The following LRRC7 variants were observed in gnomAD, a reference collection of about 807,000 sequenced individuals.
The protein encoded by LRRC7 is leucine-rich repeat-containing protein 7.
Under a neutral mutation model 175.7 loss-of-function variants are expected in LRRC7, and 23 were observed. The ratio of observed to expected loss-of-function variants is 0.13; its 90% confidence interval spans 0.09 to 0.19. The LOEUF (loss-of-function observed/expected upper bound fraction) is 0.19. LRRC7 is among the 10% of genes least tolerant of loss of function. The pLI is 1.00. For synonymous variants in LRRC7, 685 were observed against 680.9 expected, an observed-to-expected ratio of 1.01 and a Z score of -0.09; for missense variants, 1,354 against 1,904.7, an observed-to-expected ratio of 0.71 and a Z score of 5.38.
At chr1:69,827,055 C>T (rs1005714591) in intron 5 of LRRC7, among the ~76,000 whole-genome samples, 18 of 151,968 alleles carry the variant, frequency 1.2e-4, no homozygotes, top group Non-Finnish European at 2.4e-4. Flanking sequence ...TACAGTTTTT[C>T]TTCCTGAAAA....
At chr1:69,589,115 GGTGTGTGTGTGT>G (rs55678803) in intron 1 of LRRC7, among the ~76,000 whole-genome samples, 44 of 142,456 alleles carry the variant, frequency 3.1e-4, no homozygotes, top group Admixed American at 4.2e-4. Flanking sequence ...TCATAAAAAG[GGTGTGTGTGTGT>G]GTGTGTGTGT....
intron 23 of LRRC7, among the ~76,000 whole-genome samples, chr1:70,058,605 C>G (rs146797305): frequency 8.3e-4 from 126 of 152,264 alleles, no homozygotes; most frequent in African/African-American, 3.0e-3. Flanking sequence ...TTACATAAGG[C>G]ATTGTGTTAA....
chr1:69,622,841 G>A (rs80246608), intron 1 of LRRC7, among the ~76,000 whole-genome samples: 2,239 of 151,718 alleles, frequency 0.015, 59 homozygotes, highest in African/African-American at 0.051. Flanking sequence ...AAGTTACTTG[G>A]CAAATGAAAA....
intron 8 of LRRC7, among the ~76,000 whole-genome samples, chr1:69,946,119 A>G (rs1649281115): frequency 6.6e-6 from 1 of 152,208 alleles, no homozygotes; most frequent in Non-Finnish European, 1.5e-5. Context: ...CTTGTCGTGC[A>G]TGACCTTTAG....
intron 8 of LRRC7, among the ~76,000 whole-genome samples, chr1:69,957,972 G>A (rs1650671542): frequency 6.6e-6 from 1 of 151,808 alleles, no homozygotes; most frequent in African/African-American, 2.4e-5. Flanking sequence ...TGTGATGCAA[G>A]TAAAAACATG....
rs1451903162 is a variant in LRRC7 at position 70,134,711 on chromosome 1, TG to T, written c.*12829del. The stretch of plus-strand genomic sequence containing the variant: ...TTAGCAAATTCAATTTAACCTTCTT[TG>T]GGGGTTAATATTTTGTAAGTTCTTT... On this transcript the variant is annotated 3_prime_UTR_variant, in exon 27 of 27. Transcript: ENST00000651989. Among the ~76,000 whole-genome samples the T allele has an allele frequency of 6.6e-6, 1 of 152,218 alleles. No homozygotes were observed. The highest frequency in any genetic ancestry group is 1.5e-5 in the Non-Finnish European group (1 of 68,030).
intron 2 of LRRC7, among the ~76,000 whole-genome samples, chr1:69,705,913 T>C (rs1041428752): frequency 6.6e-6 from 1 of 152,158 alleles, no homozygotes; most frequent in African/African-American, 2.4e-5. Flanking sequence ...ATGCTTCAAA[T>C]ATTTTTGATC....
At chr1:69,971,988 T>TC (rs1257302151) in intron 8 of LRRC7, among the ~76,000 whole-genome samples, 3 of 152,200 alleles carry the variant, frequency 2.0e-5, no homozygotes, top group Non-Finnish European at 4.4e-5. Context: ...AGCCAACTGA[T>TC]CTTTGACAAA....
chr1:69,890,428 C>G (rs1645800434), intron 7 of LRRC7, among the ~76,000 whole-genome samples: 2 of 152,176 alleles, frequency 1.3e-5, no homozygotes, highest in South Asian at 4.1e-4. Context: ...ATTCAGCAAA[C>G]CATGTAAACA....
At chr1:69,569,171 A>G (rs909250263) in intron 1 of LRRC7, among the ~76,000 whole-genome samples, 13 of 151,810 alleles carry the variant, frequency 8.6e-5, no homozygotes, top group Non-Finnish European at 1.8e-4. Context: ...AAAAAATACA[A>G]TTAGAAGATT....
intron 7 of LRRC7, among the ~76,000 whole-genome samples, chr1:69,846,606 G>C (rs1319329962): frequency 2.0e-5 from 3 of 152,104 alleles, no homozygotes; most frequent in Non-Finnish European, 1.5e-5. Context: ...GTACTTTGCA[G>C]TCAAAAGGCC....
At chr1:70,110,093 T>A (rs1665420298) in intron 26 of LRRC7, among the ~76,000 whole-genome samples, 2 of 152,186 alleles carry the variant, frequency 1.3e-5, no homozygotes, top group African/African-American at 4.8e-5. Context: ...CATAGGTTAG[T>A]GTCAGGCCAG....
At chr1:69,799,380 T>C (rs1676193760) in intron 4 of LRRC7, among the ~76,000 whole-genome samples, 1 of 151,954 alleles carries the variant, frequency 6.6e-6, no homozygotes, top group South Asian at 2.1e-4. Context: ...CCCTTCTGAG[T>C]CTTCTATGTC....
chr1:69,573,876 C>T (rs1645836458), intron 1 of LRRC7, among the ~76,000 whole-genome samples: 1 of 152,134 alleles, frequency 6.6e-6, no homozygotes, highest in Admixed American at 6.5e-5. Context: ...TTAACATTGA[C>T]ATGATGTGTT....
chr1:69,626,229 C>T (rs1384334794), intron 1 of LRRC7, among the ~76,000 whole-genome samples: 1 of 151,856 alleles, frequency 6.6e-6, no homozygotes, highest in East Asian at 1.9e-4. Flanking sequence ...TATTTTGGCC[C>T]CAAAAGATTG....
rs552030488 is a variant in LRRC7 at position 70,136,167 on chromosome 1, A to G, written c.*14280A>G. 5.4e-5 allele frequency among the ~76,000 whole-genome samples: 8 copies of G among 149,070 alleles called. No homozygotes were observed. In the East Asian group the frequency reaches 1.2e-3, roughly 22 times the overall value. ...CGTTTCCCAAAAAATGATAGTTACT[A>G]TCCCTGTCACCTAGGGCCCTAGGTC... On this transcript the variant is annotated 3_prime_UTR_variant, in exon 27 of 27. Transcript: ENST00000651989.
At chr1:69,663,771 G>C (rs956175498) in intron 1 of LRRC7, among the ~76,000 whole-genome samples, 2 of 123,320 alleles carry the variant, frequency 1.6e-5, no homozygotes, top group Admixed American at 2.2e-4. Flanking sequence ...CCGGACTGCC[G>C]ACTGCAGTGG....
intron 22 of LRRC7, among the ~76,000 whole-genome samples, chr1:70,050,900 C>A (rs1660698401): frequency 6.6e-6 from 1 of 151,868 alleles, no homozygotes; most frequent in South Asian, 2.1e-4. Flanking sequence ...AACAAAAAGG[C>A]CAGAGTATTC....
At chr1:69,879,211 T>TAAAAAAAAAAAAAA in intron 7 of LRRC7, among the ~76,000 whole-genome samples, 1 of 53,424 alleles carries the variant, frequency 1.9e-5, no homozygotes, top group African/African-American at 9.0e-5. Flanking sequence ...TAAAACTGCT[T>TAAAAAAAAAAAAAA]TAAAAAAAAA....
Sources: gnomAD v4.1 joint callset for allele counts (sites outside exome capture counted in the v4.1 genomes callset) on GRCh38, gnomAD v4.1.1 for gene constraint, MANE v1.5 for transcripts, NCBI Gene and HGNC (gene_info 2026-07-23, HGNC 2026-07-21) for gene names.